Variants in HUWE1 observed in about 807,000 individuals in gnomAD.
HUWE1 encodes HECT, UBA and WWE domain containing E3 ubiquitin protein ligase 1, also known as E3 ubiquitin-protein ligase HUWE1.
In HUWE1, 18 loss-of-function variants were observed where a neutral mutation model predicts 299.4. The observed-to-expected ratio is 0.06, with a 90% CI of 0.04 to 0.09. The LOEUF is 0.09. Ranked by LOEUF, HUWE1 falls within the 10% of genes least tolerant of loss-of-function variation. The pLI is 1.00. For synonymous variants in HUWE1, 1,317 were observed against 1,286.1 expected, an observed-to-expected ratio of 1.02 and a Z score of -0.51; for missense variants, 1,832 against 3,462.3, an observed-to-expected ratio of 0.53 and a Z score of 11.82.
chrX:53,631,164 C>CCA (rs782265763), intron 11 of HUWE1, 130 bp from the exon 12 acceptor site: 6 of 518,354 alleles, frequency 1.2e-5, no homozygotes, highest in Non-Finnish European at 1.7e-5. Context: ...CAGAAAGCTA[C>CCA]CACCACTTAT....
chrX:53,536,955 G>C (rs2061090972), intron 78 of HUWE1, among the ~76,000 whole-genome samples: 1 of 112,156 alleles, frequency 8.9e-6, no homozygotes, highest in Non-Finnish European at 1.9e-5. Flanking sequence ...TAGGTGAAGT[G>C]GGGAGGGGAG....
At chrX:53,547,646 C>G (rs782481509) in intron 68 of HUWE1, 27 bp downstream of exon 68, 1 of 1,208,466 alleles carries the variant, frequency 8.3e-7, no homozygotes, top group Non-Finnish European at 1.1e-6. Context: ...ATATACCCCA[C>G]AGCTCCCAGT....
At chrX:53,645,563 GT>G in intron 6 of HUWE1, 100 bp from the exon 7 acceptor site, 1 of 850,209 alleles carries the variant, frequency 1.2e-6, no homozygotes, top group Non-Finnish European at 1.7e-6. Flanking sequence ...CTATCAAGAA[GT>G]TTAGTCACAA....
At chrX:53,584,123 A>C (rs782522474) in intron 41 of HUWE1, 63 bp downstream of exon 41, 444 of 1,040,684 alleles carry the variant, frequency 4.3e-4, no homozygotes, top group South Asian at 3.1e-3. Context: ...CTCACAATGA[A>C]ATTGGCCAGA....
chrX:53,577,457 T>TA (rs782304486), intron 43 of HUWE1, among the ~76,000 whole-genome samples: 1,106 of 76,850 alleles, frequency 0.014, 22 homozygotes, highest in African/African-American at 0.041. Context: ...AACGTTTTAT[T>TA]AAAAAAAAAA....
chrX:53,551,534 C>T (rs1363229792), intron 63 of HUWE1, 54 bp from the exon 64 acceptor site: 29 of 1,067,232 alleles, frequency 2.7e-5, no homozygotes, highest in Middle Eastern at 3.1e-4. Context: ...TTGCTTGAGA[C>T]GGGGTCTTGG....
intron 43 of HUWE1, among the ~76,000 whole-genome samples, chrX:53,578,579 AG>A (rs782515382): frequency 3.9e-4 from 8 of 20,642 alleles, no homozygotes; most frequent in African/African-American, 1.1e-3. Flanking sequence ...GGGAGGGGGG[AG>A]GGGGGGTCAG....
At chrX:53,598,325 A>G (rs1294732833) in intron 29 of HUWE1, among the ~76,000 whole-genome samples, 3 of 112,334 alleles carry the variant, frequency 2.7e-5, no homozygotes, top group African/African-American at 9.7e-5. Context: ...TTGTACAGAC[A>G]CATTTTTAGA....
At chrX:53,671,559 G>A (rs2069529909) in intron 3 of HUWE1, among the ~76,000 whole-genome samples, 1 of 111,281 alleles carries the variant, frequency 9.0e-6, no homozygotes, top group Non-Finnish European at 1.9e-5. Flanking sequence ...GGGAGGCCGA[G>A]GCGGGCGGAT....
chrX:53,557,737 C>T (rs1477981468), intron 59 of HUWE1, among the ~76,000 whole-genome samples: 1 of 112,035 alleles, frequency 8.9e-6, no homozygotes, highest in Non-Finnish European at 1.9e-5. Flanking sequence ...TTGGTTTCAT[C>T]TATGTATTTT....
chrX:53,593,244 T>C (rs2064260211), intron 32 of HUWE1, 120 bp downstream of exon 32: 1 of 545,265 alleles, frequency 1.8e-6, no homozygotes, highest in Non-Finnish European at 3.2e-6. Flanking sequence ...GGCAGCCCTA[T>C]CTGGGAGTTG....
intron 4 of HUWE1, among the ~76,000 whole-genome samples, chrX:53,650,456 T>C (rs1421809669): frequency 8.9e-6 from 1 of 112,335 alleles, no homozygotes; most frequent in Non-Finnish European, 1.9e-5. Flanking sequence ...GTGCTTGTGT[T>C]TTCTGCTCAC....
At chrX:53,582,099 A>G (rs1338262214) in intron 42 of HUWE1, among the ~76,000 whole-genome samples, 3 of 112,269 alleles carry the variant, frequency 2.7e-5, no homozygotes, top group Non-Finnish European at 5.6e-5. Context: ...CCATCTTGAT[A>G]CGTTAAGACT....
At chrX:53,678,426 C>T (rs1311856490) in intron 3 of HUWE1, among the ~76,000 whole-genome samples, 2 of 111,550 alleles carry the variant, frequency 1.8e-5, no homozygotes, top group East Asian at 2.8e-4. Context: ...GAGGAAACAA[C>T]GAATAATACA....
intron 3 of HUWE1, among the ~76,000 whole-genome samples, chrX:53,666,419 G>C (rs1557047621): frequency 1.8e-5 from 2 of 111,688 alleles, no homozygotes; most frequent in Non-Finnish European, 3.8e-5. Context: ...CTGGGTGACA[G>C]TTACATGGGT....
rs782619335 is a variant in HUWE1 at position 53,585,333 on chromosome X, T to C, written c.4825-145A>G. The C allele has an allele frequency of 1.6e-4, 92 of 558,430 alleles. No individual in the cohort carries two copies. The African/African-American group carries it at 1.9e-3, about 11-fold the overall frequency. 46.0% of individuals were successfully genotyped at this position (558,430 alleles called of 1,213,427 possible). On this transcript the variant is annotated intron_variant, in intron 39 of 83. Coordinates refer to ENST00000262854, the MANE Select transcript of HUWE1 (RefSeq NM_031407.7). ...AATTTTAAAAACCAAAAGAACATTT[T>C]TCATATGCATTTACTCTCACATTCC...
chrX:53,616,667 C>T (rs1263285204), intron 21 of HUWE1, among the ~76,000 whole-genome samples: 4 of 111,646 alleles, frequency 3.6e-5, no homozygotes, highest in African/African-American at 9.8e-5. Flanking sequence ...CAGATGAACA[C>T]CTCAGGACTC....
At chrX:53,616,067 C>T (rs1024903195) in intron 21 of HUWE1, among the ~76,000 whole-genome samples, 4 of 109,358 alleles carry the variant, frequency 3.7e-5, no homozygotes, top group Non-Finnish European at 5.7e-5. Context: ...TGTGCGCCTC[C>T]GTGACTGGAG....
intron 3 of HUWE1, among the ~76,000 whole-genome samples, chrX:53,663,671 T>C (rs781921360): frequency 2.7e-5 from 3 of 110,991 alleles, no homozygotes; most frequent in South Asian, 3.8e-4. Flanking sequence ...CCTTTGAAAA[T>C]TGGGGGTAGG....
Sources: allele counts gnomAD v4.1 joint callset (sites outside exome capture counted in the v4.1 genomes callset), GRCh38; gene constraint gnomAD v4.1.1; transcripts MANE v1.5; gene names NCBI Gene and HGNC (gene_info 2026-07-23, HGNC 2026-07-21).